CSMD1: variants seen among roughly 807,000 people sequenced by gnomAD.
CSMD1 encodes the protein CUB and sushi domain-containing protein 1.
In CSMD1, 213 loss-of-function variants were observed where a neutral mutation model predicts 417.5. The observed-to-expected ratio is 0.51, with a 90% CI of 0.46 to 0.57. The LOEUF is 0.57. CSMD1 is among the 20% of genes least tolerant of loss of function. CSMD1 has a pLI of 0.00. For synonymous variants in CSMD1, 2,862 were observed against 1,736.8 expected, an observed-to-expected ratio of 1.65 and a Z score of -16.11; for missense variants, 6,923 against 4,529.7, an observed-to-expected ratio of 1.53 and a Z score of -15.17.
intron 3 of CSMD1, among the ~76,000 whole-genome samples, chr8:4,251,883 G>A (rs1585099692): frequency 1.3e-5 from 2 of 150,490 alleles, no homozygotes; most frequent in African/African-American, 2.5e-5. Flanking sequence ...GGAGGAAGAG[G>A]GGAAGGGAGG....
intron 3 of CSMD1, among the ~76,000 whole-genome samples, chr8:4,186,413 C>T (rs1798678911): frequency 6.6e-6 from 1 of 152,104 alleles, no homozygotes; most frequent in Non-Finnish European, 1.5e-5. Context: ...CAGTCCCTGA[C>T]ACACTGAGAG....
chr8:4,987,595 C>A (rs1274034583), intron 1 of CSMD1, among the ~76,000 whole-genome samples: 1 of 152,156 alleles, frequency 6.6e-6, no homozygotes, highest in African/African-American at 2.4e-5. Flanking sequence ...GCACTGGAAT[C>A]TGACTGATAT....
At chr8:3,047,800 G>T (rs1390320577) in intron 50 of CSMD1, among the ~76,000 whole-genome samples, 2 of 152,224 alleles carry the variant, frequency 1.3e-5, no homozygotes, top group East Asian at 3.9e-4. Flanking sequence ...AGACCAGCTT[G>T]CAATGCAGAG....
At chr8:3,807,023 G>A (rs1441516619) in intron 5 of CSMD1, among the ~76,000 whole-genome samples, 2 of 152,092 alleles carry the variant, frequency 1.3e-5, no homozygotes, top group African/African-American at 2.4e-5. Flanking sequence ...TAGAAATATT[G>A]TAACCCAGGC....
chr8:3,743,530 G>T lies in CSMD1; in HGVS notation c.931+10400C>A, dbSNP rs140616474. On this transcript the variant is annotated intron_variant, in intron 6 of 69. Coordinates refer to ENST00000635120, the MANE Select transcript of CSMD1 (RefSeq NM_033225.6). Reference sequence around the variant, plus strand: ...AAGAATAATGGAAAGAAACAAGGGTGGTTGCAGGGTGTGAAAGAAAATTAA... The same window carrying T: ...AAGAATAATGGAAAGAAACAAGGGTTGTTGCAGGGTGTGAAAGAAAATTAA... Among the ~76,000 whole-genome samples, 659 of 152,242 alleles carry T rather than the reference G, an allele frequency of 4.3e-3. 8 individuals carry two copies. The highest frequency in any genetic ancestry group is 0.015 in the African/African-American group (616 of 41,542).
intron 5 of CSMD1, among the ~76,000 whole-genome samples, chr8:3,948,455 G>C (rs551243456): frequency 6.6e-6 from 1 of 152,050 alleles, no homozygotes; most frequent in South Asian, 2.1e-4. Flanking sequence ...CTTTGAATGT[G>C]ACCCTTCTTT....
intron 1 of CSMD1, among the ~76,000 whole-genome samples, chr8:4,815,944 G>T (rs1325174328): frequency 6.6e-6 from 1 of 152,008 alleles, no homozygotes; most frequent in African/African-American, 2.4e-5. Context: ...TCTGGAAAGT[G>T]GATTAATATT....
At chr8:4,841,929 A>AAACAAAAAACAAAC (rs1800863482) in intron 1 of CSMD1, among the ~76,000 whole-genome samples, 1 of 144,368 alleles carries the variant, frequency 6.9e-6, no homozygotes, top group African/African-American at 2.6e-5. Flanking sequence ...AAAAAAAAAA[A>AAACAAAAAACAAAC]AAAAAAAAAG....
At chr8:3,535,291 A>T (rs1430346671) in intron 10 of CSMD1, among the ~76,000 whole-genome samples, 1 of 152,102 alleles carries the variant, frequency 6.6e-6, no homozygotes, top group Non-Finnish European at 1.5e-5. Flanking sequence ...TGAAATAGTT[A>T]TTCAAGCTTT....
At chr8:4,380,779 G>C (rs1209790526) in intron 3 of CSMD1, among the ~76,000 whole-genome samples, 2 of 149,470 alleles carry the variant, frequency 1.3e-5, no homozygotes, top group South Asian at 2.1e-4. Context: ...GAAACAAAAA[G>C]TATATTTAAA....
At chr8:3,660,561 T>G (rs2117448106) in intron 7 of CSMD1, among the ~76,000 whole-genome samples, 2 of 109,738 alleles carry the variant, frequency 1.8e-5, no homozygotes, top group Admixed American at 1.3e-4. Flanking sequence ...GGCCCTGCAG[T>G]CCAGGCAAGA....
intron 12 of CSMD1, among the ~76,000 whole-genome samples, chr8:3,439,763 C>G (rs1261612589): frequency 3.3e-5 from 5 of 152,172 alleles, no homozygotes; most frequent in African/African-American, 1.2e-4. Context: ...TTCCTCATAT[C>G]TTTTACTAAA....
At chr8:3,346,000 A>C (rs1807964573) in intron 22 of CSMD1, among the ~76,000 whole-genome samples, 1 of 152,316 alleles carries the variant, frequency 6.6e-6, no homozygotes, top group South Asian at 2.1e-4. Context: ...GTGCGTGTAT[A>C]TAAAATTTTA....
At chr8:3,426,356 G>A (rs958581327) in intron 12 of CSMD1, among the ~76,000 whole-genome samples, 1 of 152,254 alleles carries the variant, frequency 6.6e-6, no homozygotes, top group African/African-American at 2.4e-5. Flanking sequence ...GTGATCATGA[G>A]ACTCATAGAT....
At chr8:4,853,853 C>G (rs761766359) in intron 1 of CSMD1, among the ~76,000 whole-genome samples, 5 of 152,196 alleles carry the variant, frequency 3.3e-5, no homozygotes, top group Non-Finnish European at 5.9e-5. Context: ...GTAGTGTGAC[C>G]TGGATGCAGG....
intron 26 of CSMD1, among the ~76,000 whole-genome samples, chr8:3,282,788 A>T (rs10095821): frequency 0.93 from 140,727 of 152,136 alleles, 65,666 homozygotes; most frequent in South Asian, 0.98. Context: ...AACCTCAATT[A>T]TATTAGCAAC....
intron 1 of CSMD1, among the ~76,000 whole-genome samples, chr8:4,823,011 A>C (rs1799606749): frequency 6.6e-6 from 1 of 152,146 alleles, no homozygotes; most frequent in Admixed American, 6.6e-5. Context: ...GTATTTCACA[A>C]TTTGCAGTTC....
chr8:4,410,216 G>C (rs753217069), intron 3 of CSMD1, among the ~76,000 whole-genome samples: 1 of 152,142 alleles, frequency 6.6e-6, no homozygotes, highest in Admixed American at 6.5e-5. Context: ...AACAGTTTAG[G>C]TAACTAATTC....
intron 10 of CSMD1, among the ~76,000 whole-genome samples, chr8:3,558,300 C>T (rs973426122): frequency 4.2e-5 from 6 of 143,434 alleles, no homozygotes; most frequent in Non-Finnish European, 6.3e-5. Context: ...AATGGAACTC[C>T]GTGTTCACTC....
Sources: allele counts gnomAD v4.1 joint callset (sites outside exome capture counted in the v4.1 genomes callset), GRCh38; gene constraint gnomAD v4.1.1; transcripts MANE v1.5; gene names NCBI Gene and HGNC (gene_info 2026-07-23, HGNC 2026-07-21).